Variants in NR6A1 observed in about 807,000 individuals in gnomAD.
NR6A1 encodes retinoic acid receptor-related testis-associated receptor.
A neutral mutation model predicts 59.1 loss-of-function variants in NR6A1; 7 were observed. The observed-to-expected ratio is 0.12, with a 90% CI of 0.07 to 0.22. The LOEUF (loss-of-function observed/expected upper bound fraction) is 0.22, where lower values mean the gene tolerates loss of function less well. Among genes scored for constraint, NR6A1 ranks in the 10% least tolerant of loss-of-function variants. The probability of loss-of-function intolerance (pLI) is 1.00; values close to 1 mark genes in which losing one functional copy is unlikely to be tolerated. For synonymous variants in NR6A1, 243 were observed against 236.1 expected, an observed-to-expected ratio of 1.03 and a Z score of -0.27; for missense variants, 468 against 611.6, an observed-to-expected ratio of 0.77 and a Z score of 2.48.
intron 8 of NR6A1, among the ~76,000 whole-genome samples, chr9:124,526,027 T>C (rs1832923684): frequency 6.6e-6 from 1 of 151,940 alleles, no homozygotes; most frequent in Non-Finnish European, 1.5e-5. Context: ...TAGGGGTGAG[T>C]AGGCCAAGAG....
At chr9:124,654,875 T>TACACACACAC (rs3983841) in intron 2 of NR6A1, among the ~76,000 whole-genome samples, 16,362 of 123,542 alleles carry the variant, frequency 0.13, 1,210 homozygotes, top group South Asian at 0.16. Context: ...TTTTTTTTTG[T>TACACACACAC]ACACACACAC....
At chr9:124,727,993 ATTTTTAT>A (rs1227325227) in intron 2 of NR6A1, among the ~76,000 whole-genome samples, 3 of 149,640 alleles carry the variant, frequency 2.0e-5, no homozygotes, top group Admixed American at 6.7e-5. Flanking sequence ...TAATGACTTC[ATTTTTAT>A]TTTTTATTTT....
At chr9:124,767,740 G>A (rs1321099132) in intron 1 of NR6A1, among the ~76,000 whole-genome samples, 1 of 152,162 alleles carries the variant, frequency 6.6e-6, no homozygotes, top group East Asian at 1.9e-4. Context: ...GGTTATAGCA[G>A]AAGAAAAAGG....
chr9:124,584,287 T>C (rs1423419424), intron 2 of NR6A1, among the ~76,000 whole-genome samples: 1 of 151,866 alleles, frequency 6.6e-6, no homozygotes, highest in African/African-American at 2.4e-5. Flanking sequence ...TTTGAATTTT[T>C]AGTAGAGACG....
intron 2 of NR6A1, among the ~76,000 whole-genome samples, chr9:124,563,477 TCTAA>T (rs1378030270): frequency 1.3e-5 from 2 of 152,230 alleles, no homozygotes; most frequent in African/African-American, 2.4e-5. Flanking sequence ...GTTCTCTTAG[TCTAA>T]CTATTAACTG....
intron 2 of NR6A1, among the ~76,000 whole-genome samples, chr9:124,627,857 G>A (rs1836288640): frequency 1.4e-5 from 2 of 139,204 alleles, no homozygotes. Flanking sequence ...ACAGGCATAA[G>A]CCACCATGCC....
At chr9:124,594,527 A>T (rs1835216821) in intron 2 of NR6A1, among the ~76,000 whole-genome samples, 1 of 152,190 alleles carries the variant, frequency 6.6e-6, no homozygotes, top group African/African-American at 2.4e-5. Context: ...TACTTCTTAA[A>T]CTACTCCTTT....
intron 1 of NR6A1, chr9:124,770,168 C>T (rs774385618): frequency 1.5e-4 from 23 of 152,418 alleles, no homozygotes; most frequent in Non-Finnish European, 3.1e-4. Context: ...CGGGACCTGC[C>T]GGGCAGAAGC....
intron 2 of NR6A1, among the ~76,000 whole-genome samples, chr9:124,655,043 T>A (rs781178792): frequency 6.6e-6 from 1 of 152,142 alleles, no homozygotes; most frequent in Non-Finnish European, 1.5e-5. Context: ...CTTTGCCAAC[T>A]GAGTTCAGCA....
chr9:124,550,414 G>T (rs1285082357), intron 3 of NR6A1, among the ~76,000 whole-genome samples: 1 of 145,656 alleles, frequency 6.9e-6, no homozygotes, highest in African/African-American at 2.6e-5. Flanking sequence ...GTTGCCCAGG[G>T]TGGAGTACAA....
chr9:124,536,866 A>G (rs943759608), intron 6 of NR6A1, among the ~76,000 whole-genome samples: 1 of 152,150 alleles, frequency 6.6e-6, no homozygotes, highest in Non-Finnish European at 1.5e-5. Flanking sequence ...CCACTGAAGG[A>G]AAGAGAACAA....
At chr9:124,525,142 AC>A in intron 8 of NR6A1, among the ~76,000 whole-genome samples, 1 of 152,256 alleles carries the variant, frequency 6.6e-6, no homozygotes, top group East Asian at 1.9e-4. Flanking sequence ...AACTCCCAAA[AC>A]AACCAGAGAA....
At chr9:124,572,570 G>C (rs1245918722) in intron 2 of NR6A1, among the ~76,000 whole-genome samples, 2 of 152,206 alleles carry the variant, frequency 1.3e-5, no homozygotes, top group African/African-American at 4.8e-5. Context: ...AATCAAACCT[G>C]GTTTCTTGCC....
chr9:124,704,891 A>C lies in NR6A1; in HGVS notation c.142+28417T>G, dbSNP rs1191697876. 5.3e-5 allele frequency among the ~76,000 whole-genome samples: 8 copies of C among 152,172 alleles called. No individual in the cohort carries two copies. The East Asian group carries it at 1.2e-3, about 22-fold the overall frequency. On this transcript the variant is annotated intron_variant, in intron 2 of 9. Transcript: ENST00000487099. ...GTAGCTGGGACCAGAAGCGCATGCC[A>C]CAACTGGCGAATTTCTGGTATGTTT...
In NR6A1 at chr9:124,711,389, T is replaced by C. The variant is rs536833050; in HGVS notation, c.142+21919A>G. Among the ~76,000 whole-genome samples the C allele has an allele frequency of 1.1e-3, 169 of 151,566 alleles. 1 individual carries two copies. The highest frequency in any genetic ancestry group is 3.7e-3 in the African/African-American group (153 of 41,298). Reference sequence around the variant, plus strand: ...TGATCTTCTTCCTTCACCACTGCCTTAAACAATTCCTTGCCAAAGAAAATC... The same window carrying C: ...TGATCTTCTTCCTTCACCACTGCCTCAAACAATTCCTTGCCAAAGAAAATC... On this transcript the variant is annotated intron_variant, in intron 2 of 9. Coordinates refer to ENST00000487099, the MANE Select transcript of NR6A1 (RefSeq NM_033334.4).
chr9:124,547,859 A>C (rs552103709), intron 3 of NR6A1, among the ~76,000 whole-genome samples: 23 of 152,334 alleles, frequency 1.5e-4, no homozygotes, highest in Admixed American at 9.8e-4. Context: ...ACTAAATGTA[A>C]TGTGATTTCC....
intron 2 of NR6A1, among the ~76,000 whole-genome samples, chr9:124,709,951 A>AT (rs1485753260): frequency 6.6e-6 from 1 of 151,966 alleles, no homozygotes; most frequent in Admixed American, 6.6e-5. Flanking sequence ...ATCTCGAAAA[A>AT]AAAAAAAAAA....
At chr9:124,593,628 A>G (rs928083339) in intron 2 of NR6A1, among the ~76,000 whole-genome samples, 9 of 152,186 alleles carry the variant, frequency 5.9e-5, no homozygotes, top group Non-Finnish European at 8.8e-5. Context: ...ATATTCCCCA[A>G]CGTTGAAAGG....
intron 2 of NR6A1, chr9:124,595,839 T>G: frequency 3.1e-6 from 4 of 1,289,110 alleles, no homozygotes; most frequent in Non-Finnish European, 4.0e-6. Flanking sequence ...CAAGTCCAGC[T>G]TGATGACTAC....
Sources: allele counts gnomAD v4.1 joint callset (sites outside exome capture counted in the v4.1 genomes callset), GRCh38; gene constraint gnomAD v4.1.1; transcripts MANE v1.5; gene names NCBI Gene and HGNC (gene_info 2026-07-23, HGNC 2026-07-21).